The following POU3F3 variants were observed in gnomAD, a reference collection of about 807,000 sequenced individuals.
The protein encoded by POU3F3 is POU domain, class 3, transcription factor 3.
POU3F3 carries 1 observed loss-of-function variant against 8.6 expected under a neutral mutation model. The ratio of observed to expected loss-of-function variants is 0.12; its 90% CI spans 0.04 to 0.55. The LOEUF (loss-of-function observed/expected upper bound fraction) is 0.55. Ranked by LOEUF, POU3F3 falls within the 20% of genes least tolerant of loss-of-function variation. The pLI is 0.91. For missense variants in POU3F3, 577 were observed against 690.7 expected, an observed-to-expected ratio of 0.84 and a Z score of 1.84; for synonymous variants, 418 against 327.4, an observed-to-expected ratio of 1.28 and a Z score of -2.99.
the POU3F3 span, among the ~76,000 whole-genome samples, chr2:104,876,232 C>T: frequency 1.3e-5 from 2 of 152,012 alleles, no homozygotes; most frequent in Non-Finnish European, 2.9e-5. Context: ...GTGTAGAAGA[C>T]AGAAAAAAAA....
the POU3F3 span, among the ~76,000 whole-genome samples, chr2:104,886,640 G>A: frequency 1.0e-3 from 152 of 152,302 alleles, 1 homozygote; most frequent in African/African-American, 3.5e-3. Context: ...AGGCGTGGTG[G>A]CTCACACCTG....
the POU3F3 span, among the ~76,000 whole-genome samples, chr2:104,896,441 T>G: frequency 6.6e-6 from 1 of 152,208 alleles, no homozygotes; most frequent in Non-Finnish European, 1.5e-5. Context: ...CCCAGAAGCT[T>G]GTGAGGGAGG....
At chr2:104,860,143 T>A (rs1044913532), downstream of POU3F3, among the ~76,000 whole-genome samples, 7 of 152,276 alleles carry the variant, frequency 4.6e-5, no homozygotes, top group Non-Finnish European at 5.9e-5. Context: ...GATTTCACAC[T>A]GTTTTCTATT....
the POU3F3 span, among the ~76,000 whole-genome samples, chr2:104,876,019 C>G: frequency 6.6e-6 from 1 of 152,146 alleles, no homozygotes; most frequent in Non-Finnish European, 1.5e-5. Flanking sequence ...TGCCCAGCCT[C>G]TTTTAACTTT....
At chr2:104,918,275 G>A in the POU3F3 span, among the ~76,000 whole-genome samples, 2 of 152,132 alleles carry the variant, frequency 1.3e-5, no homozygotes, top group African/African-American at 4.8e-5. Context: ...TTCTATTCTG[G>A]TGACCCGTGA....
rs1184352507 is a variant in POU3F3, at chr2:104,855,432, GGCGGCGGCGGCGGCCGCGGCTGCTGCT to G, written c.-64_-38del. 61 of 724,622 alleles carry G rather than the reference GGCGGCGGCGGCGGCCGCGGCTGCTGCT, an allele frequency of 8.4e-5. No homozygotes were observed. Among genetic ancestry groups the G allele is most frequent in the Middle Eastern group, 7.0e-4 (1 of 1,420 alleles). The allele number at this position is 724,622 out of a possible 1,614,324, so 44.9% of individuals were successfully genotyped here. A position where few individuals can be genotyped will look rare whatever the true frequency, so the allele number is the denominator to read the frequency against. On this transcript the variant is annotated 5_prime_UTR_variant, in exon 1 of 1. Coordinates refer to ENST00000361360, the MANE Select transcript of POU3F3 (RefSeq NM_006236.3). Reference sequence around the variant, plus strand: ...GGGAGGCGGGGGGCGCGGCGGCGGCGGCGGCGGCGGCGGCCGCGGCTGCTGCTGCGGCGGCGGCGGCGGTGGTGGCGG... The same window carrying G: ...GGGAGGCGGGGGGCGCGGCGGCGGCGGCGGCGGCGGCGGCGGTGGTGGCGG...
At chr2:104,920,561 G>T in the POU3F3 span, among the ~76,000 whole-genome samples, 2 of 152,048 alleles carry the variant, frequency 1.3e-5, no homozygotes. Context: ...ATGTGATCTG[G>T]CTCCCAGGTT....
downstream of POU3F3, chr2:104,858,722 T>A (rs1044567098): frequency 6.6e-6 from 1 of 152,232 alleles, no homozygotes; most frequent in Non-Finnish European, 1.5e-5. Flanking sequence ...GAGTAAAGCA[T>A]AGGCATTGCT....
chr2:104,898,782 T>C, the POU3F3 span, among the ~76,000 whole-genome samples: 4 of 152,222 alleles, frequency 2.6e-5, no homozygotes, highest in African/African-American at 9.6e-5. Context: ...TCTGCCTGAG[T>C]TAAAATGTTC....
chr2:104,913,880 G>A, the POU3F3 span, among the ~76,000 whole-genome samples: 358 of 148,480 alleles, frequency 2.4e-3, 3 homozygotes, highest in African/African-American at 8.0e-3. Context: ...TCATTAAAAC[G>A]AAAAAAAAAA....
the POU3F3 span, among the ~76,000 whole-genome samples, chr2:104,904,355 G>A: frequency 3.9e-5 from 6 of 152,114 alleles, no homozygotes; most frequent in Non-Finnish European, 7.3e-5. Context: ...CACCAACAGG[G>A]CCACTGTAAA....
rs1170740124 is a variant in POU3F3 at position 104,857,068 on chromosome 2, T to C, written c.*55T>C. On this transcript the variant is annotated 3_prime_UTR_variant, in exon 1 of 1. Transcript: ENST00000361360. ...GCCGCCGCCGCCTCCGCAGCCGCCG[T>C]CAGCACCGCCGCCGCCCCTGCCGCC... The C allele has an allele frequency of 7.4e-6, 9 of 1,220,374 alleles. No homozygotes were observed. The highest frequency in any genetic ancestry group is 9.2e-6 in the Non-Finnish European group (9 of 977,356). 75.6% of individuals were successfully genotyped at this position (1,220,374 alleles called of 1,614,324 possible).
At chr2:104,859,807 A>G (rs564264402), downstream of POU3F3, among the ~76,000 whole-genome samples, 3 of 152,216 alleles carry the variant, frequency 2.0e-5, no homozygotes, top group Non-Finnish European at 4.4e-5. Context: ...ACAAGAAACC[A>G]CAATTTACTT....
At chr2:104,853,790 A>G (rs1016357137), upstream of POU3F3, 8 of 151,454 alleles carry the variant, frequency 5.3e-5, no homozygotes, top group African/African-American at 1.9e-4. Context: ...GCGAACGCCC[A>G]GAGCCGCCGA....
the POU3F3 span, among the ~76,000 whole-genome samples, chr2:104,903,180 A>G: frequency 6.6e-5 from 10 of 152,364 alleles, no homozygotes; most frequent in African/African-American, 2.4e-4. Context: ...CTATTACACA[A>G]TTACTAAAAT....
At position 104,856,467 on chromosome 2, in the gene POU3F3, G is replaced by T; in HGVS notation, c.957G>T (p.Ser319=). 1 of 1,613,160 alleles carries T rather than the reference G, an allele frequency of 6.2e-7. No individual in the cohort carries two copies. Among genetic ancestry groups the T allele is most frequent in the Non-Finnish European group, 8.5e-7 (1 of 1,179,902 alleles). The stretch of plus-strand genomic sequence containing the variant: ...ACTCGGACGAGGACACGCCGACGTC[G>T]GACGACCTGGAGCAGTTCGCCAAGC... ...DPHSDEDTPT[S]DDLEQFAKQF... Residue 319 remains serine (S), a synonymous_variant, in exon 1 of 1, where the codon TCG becomes TCT. Transcript: ENST00000361360.
Position 104,856,395 on chromosome 2 carries a change from C to T in POU3F3, c.885C>T (p.Gly295=). 8.9e-6 allele frequency: 14 copies of T among 1,571,146 alleles called. No individual in the cohort carries two copies. Among genetic ancestry groups the T allele is most frequent in the Non-Finnish European group, 1.1e-5 (13 of 1,160,578 alleles). The part of the protein sequence containing the change: ...PHHAQGPPHH[G]GGGGGAGPGL... ...ACGCGCAGGGACCCCCGCACCACGG[C>T]GGCGGCGGCGGCGGCGCGGGGCCTG... Residue 295 remains glycine, a synonymous_variant, in exon 1 of 1, where the codon GGC becomes GGT. Coordinates refer to ENST00000361360, the MANE Select transcript of POU3F3 (RefSeq NM_006236.3).
chr2:104,866,768 C>T, the POU3F3 span: 10 of 152,228 alleles, frequency 6.6e-5, no homozygotes. Flanking sequence ...CACATGTAAG[C>T]TTGTGTGCAG....
At chr2:104,881,411 T>G in the POU3F3 span, among the ~76,000 whole-genome samples, 1 of 152,102 alleles carries the variant, frequency 6.6e-6, no homozygotes, top group Non-Finnish European at 1.5e-5. Context: ...AGCAGTCCTC[T>G]TGCCTCAGCC....
Sources: allele counts gnomAD v4.1 joint callset (sites outside exome capture counted in the v4.1 genomes callset), GRCh38; gene constraint gnomAD v4.1.1; transcripts MANE v1.5; gene names NCBI Gene and HGNC (gene_info 2026-07-23, HGNC 2026-07-21).